FSTL5: variants seen among roughly 807,000 people sequenced by gnomAD.
FSTL5 encodes the protein follistatin-related protein 5.
In FSTL5, 62 loss-of-function variants were observed where a neutral mutation model predicts 89.1. The observed-to-expected ratio is 0.70, with a 90% CI of 0.57 to 0.86. The LOEUF (loss-of-function observed/expected upper bound fraction) is 0.86. Ranked by LOEUF, FSTL5 falls within the 40% of genes least tolerant of loss-of-function variation. The pLI is 0.00. For synonymous variants in FSTL5, 383 were observed against 346.2 expected (o/e 1.11, Z -1.18); for missense variants, 1,057 against 1,001.6 (o/e 1.06, Z -0.75).
chr4:162,112,444 C>T (rs748336870), intron 1 of FSTL5, among the ~76,000 whole-genome samples: 1 of 152,110 alleles, frequency 6.6e-6, no homozygotes, highest in Admixed American at 6.5e-5. Context: ...CAGGTTCTCA[C>T]TATCTTGTCC....
intron 4 of FSTL5, among the ~76,000 whole-genome samples, chr4:161,919,950 A>T (rs17536842): frequency 0.053 from 7,997 of 152,290 alleles, 261 homozygotes; most frequent in Non-Finnish European, 0.077. Context: ...TCAGTGGGCA[A>T]CTACTGGTTC....
chr4:162,012,667 C>T (rs1248289289), intron 3 of FSTL5, among the ~76,000 whole-genome samples: 1 of 151,884 alleles, frequency 6.6e-6, no homozygotes, highest in Non-Finnish European at 1.5e-5. Context: ...TCTCATAAAG[C>T]TTTAATTTAT....
chr4:161,826,550 T>C (rs1045115844), intron 4 of FSTL5, among the ~76,000 whole-genome samples: 1 of 152,182 alleles, frequency 6.6e-6, no homozygotes, highest in African/African-American at 2.4e-5. Flanking sequence ...GTAATTGTTT[T>C]ATAAATTTGG....
intron 3 of FSTL5, among the ~76,000 whole-genome samples, chr4:161,968,167 C>T (rs1319536988): frequency 6.6e-6 from 1 of 151,908 alleles, no homozygotes; most frequent in Non-Finnish European, 1.5e-5. Flanking sequence ...ATTTCCTCAT[C>T]TGTAAAACAT....
intron 1 of FSTL5, among the ~76,000 whole-genome samples, chr4:162,144,374 G>T (rs1732889196): frequency 6.6e-6 from 1 of 152,094 alleles, no homozygotes; most frequent in African/African-American, 2.4e-5. Flanking sequence ...TGCACTAAGA[G>T]GATTTAATTT....
chr4:161,476,033 G>A (rs1252169232), intron 13 of FSTL5, among the ~76,000 whole-genome samples: 3 of 151,476 alleles, frequency 2.0e-5, no homozygotes, highest in African/African-American at 4.8e-5. Context: ...GATTACAGGT[G>A]ATTCTGTTTT....
At chr4:161,938,241 C>T (rs1242896769) in intron 3 of FSTL5, among the ~76,000 whole-genome samples, 1 of 152,046 alleles carries the variant, frequency 6.6e-6, no homozygotes, top group African/African-American at 2.4e-5. Context: ...GAGCAAAGAT[C>T]CATCTTTTTG....
At chr4:161,897,937 C>T (rs1406480396) in intron 4 of FSTL5, among the ~76,000 whole-genome samples, 2 of 151,784 alleles carry the variant, frequency 1.3e-5, no homozygotes, top group African/African-American at 4.8e-5. Context: ...TGTCTCAATA[C>T]TTTTGCCTTT....
intron 6 of FSTL5, among the ~76,000 whole-genome samples, chr4:161,669,465 A>G (rs993405076): frequency 6.6e-6 from 1 of 152,190 alleles, no homozygotes; most frequent in African/African-American, 2.4e-5. Context: ...ATGGGGCAGA[A>G]TAGAGAGGCC....
chr4:162,021,565 C>T (rs1036082504), intron 3 of FSTL5, among the ~76,000 whole-genome samples: 1 of 152,060 alleles, frequency 6.6e-6, no homozygotes, highest in Non-Finnish European at 1.5e-5. Flanking sequence ...CAAATACACA[C>T]ACAAATAAAT....
chr4:161,893,536 C>G (rs953605189), intron 4 of FSTL5, among the ~76,000 whole-genome samples: 1 of 152,080 alleles, frequency 6.6e-6, no homozygotes, highest in Admixed American at 6.6e-5. Flanking sequence ...CAGAATGCTT[C>G]ATACTATTTC....
intron 12 of FSTL5, among the ~76,000 whole-genome samples, chr4:161,489,416 G>C (rs1384674515): frequency 6.6e-6 from 1 of 151,988 alleles, no homozygotes; most frequent in African/African-American, 2.4e-5. Context: ...TTGACAAAAA[G>C]GTGTTGGAAT....
rs545578763 is a variant in FSTL5, at chr4:161,438,833, G to A, written c.1841+16171C>T. On this transcript the variant is annotated intron_variant, in intron 15 of 15. Transcript: ENST00000306100. The stretch of plus-strand genomic sequence containing the variant: ...ATAAGCAATATAATCTGATATAATC[G>A]ATTAGAAATGAAAATATGTTTTATA... Among the ~76,000 whole-genome samples, 13 of 151,864 alleles carry A rather than the reference G, an allele frequency of 8.6e-5. No homozygotes were observed. The South Asian group carries it at 1.9e-3, about 22-fold the overall frequency.
intron 2 of FSTL5, among the ~76,000 whole-genome samples, chr4:162,104,533 A>G (rs1180275897): frequency 6.6e-6 from 1 of 152,220 alleles, no homozygotes; most frequent in Non-Finnish European, 1.5e-5. Flanking sequence ...AAACAGGCTC[A>G]TACAACAGAC....
intron 4 of FSTL5, among the ~76,000 whole-genome samples, chr4:161,816,693 A>G (rs774513917): frequency 6.6e-6 from 1 of 152,174 alleles, no homozygotes; most frequent in Non-Finnish European, 1.5e-5. Context: ...TAGAAATTAA[A>G]AAGGCAAACA....
At chr4:161,627,427 ATACAT>A in intron 7 of FSTL5, among the ~76,000 whole-genome samples, 1 of 152,216 alleles carries the variant, frequency 6.6e-6, no homozygotes, top group East Asian at 1.9e-4. Flanking sequence ...ACTTAATAGA[ATACAT>A]TATAGTATAA....
intron 4 of FSTL5, among the ~76,000 whole-genome samples, chr4:161,872,838 G>T (rs1433330765): frequency 6.6e-6 from 1 of 152,078 alleles, no homozygotes; most frequent in East Asian, 1.9e-4. Flanking sequence ...TTTTATTTGA[G>T]AAACAATTAA....
chr4:161,564,826 T>C (rs1011960949), intron 8 of FSTL5, among the ~76,000 whole-genome samples: 3 of 151,766 alleles, frequency 2.0e-5, no homozygotes, highest in African/African-American at 7.2e-5. Flanking sequence ...TTGCATACTA[T>C]TTGTTTTTAT....
intron 3 of FSTL5, among the ~76,000 whole-genome samples, chr4:161,933,019 G>A (rs1339678828): frequency 6.6e-6 from 1 of 152,034 alleles, no homozygotes; most frequent in Non-Finnish European, 1.5e-5. Context: ...ATTTTAGTTT[G>A]CGTATGATAA....
Sources: gnomAD v4.1 joint callset for allele counts (sites outside exome capture counted in the v4.1 genomes callset) on GRCh38, gnomAD v4.1.1 for gene constraint, MANE v1.5 for transcripts, NCBI Gene and HGNC (gene_info 2026-07-23, HGNC 2026-07-21) for gene names.